The following MBD5 variants were observed in gnomAD, a reference collection of about 807,000 sequenced individuals.
The protein encoded by MBD5 is methyl-CpG-binding domain protein 5.
MBD5 carries 13 observed loss-of-function variants against 117.3 expected under a neutral mutation model. That is an observed-to-expected ratio of 0.11 (90% confidence interval 0.07 to 0.18). The LOEUF is 0.18. MBD5 is among the 10% of genes least tolerant of loss of function. MBD5 has a pLI of 1.00. For synonymous variants in MBD5, 727 were observed against 766.4 expected, an observed-to-expected ratio of 0.95 and a Z score of 0.85; for missense variants, 1,879 against 2,093.8, an observed-to-expected ratio of 0.90 and a Z score of 2.00.
intron 2 of MBD5, among the ~76,000 whole-genome samples, chr2:148,197,402 G>C (rs1345711967): frequency 6.6e-6 from 1 of 152,154 alleles, no homozygotes; most frequent in Non-Finnish European, 1.5e-5. Context: ...TTGTTATGCA[G>C]CAGTAATTAA....
chr2:148,370,171 T>C (rs1385669557), intron 4 of MBD5, among the ~76,000 whole-genome samples: 1 of 152,198 alleles, frequency 6.6e-6, no homozygotes, highest in African/African-American at 2.4e-5. Context: ...GATACTTGCT[T>C]TGTATCATAA....
At chr2:148,361,362 A>G (rs528961852) in intron 4 of MBD5, among the ~76,000 whole-genome samples, 1 of 138,270 alleles carries the variant, frequency 7.2e-6, no homozygotes, top group Non-Finnish European at 1.5e-5. Context: ...AAACACAAAC[A>G]AAACAAAAAA....
At chr2:148,161,094 C>T (rs1697997321) in intron 1 of MBD5, among the ~76,000 whole-genome samples, 1 of 152,060 alleles carries the variant, frequency 6.6e-6, no homozygotes, top group Admixed American at 6.5e-5. Flanking sequence ...GTCCTGGTAC[C>T]GATATATAGT....
At chr2:148,324,851 G>A (rs79584485) in intron 3 of MBD5, among the ~76,000 whole-genome samples, 13 of 151,988 alleles carry the variant, frequency 8.6e-5, no homozygotes, top group Non-Finnish European at 1.5e-4. Context: ...AATTGCCCTG[G>A]CCAGAACTTC....
intron 1 of MBD5, among the ~76,000 whole-genome samples, chr2:148,169,647 T>G (rs1368159241): frequency 6.6e-6 from 1 of 152,174 alleles, no homozygotes. Context: ...AAAGAGTGCT[T>G]CTTTTTTAAT....
chr2:148,124,663 A>C (rs1696847627), intron 1 of MBD5, among the ~76,000 whole-genome samples: 1 of 152,204 alleles, frequency 6.6e-6, no homozygotes. Context: ...CTGGAGTGTT[A>C]AGGTTAGATT....
chr2:148,029,109 G>C (rs1047292804), intron 1 of MBD5, among the ~76,000 whole-genome samples: 2 of 152,046 alleles, frequency 1.3e-5, no homozygotes, highest in Admixed American at 1.3e-4. Context: ...ATCACTAATA[G>C]TGATGAGAGT....
chr2:148,328,888 C>T (rs1702552355), intron 3 of MBD5, among the ~76,000 whole-genome samples: 1 of 152,166 alleles, frequency 6.6e-6, no homozygotes, highest in African/African-American at 2.4e-5. Context: ...AACAACAGGG[C>T]ATCTTTAATT....
chr2:148,154,980 T>G (rs2105700077), intron 1 of MBD5, among the ~76,000 whole-genome samples: 1 of 152,282 alleles, frequency 6.6e-6, no homozygotes, highest in African/African-American at 2.4e-5. Flanking sequence ...ATTGAGTTCT[T>G]ATGAGGTTCT....
chr2:148,278,829 G>A (rs1170277185), intron 3 of MBD5, among the ~76,000 whole-genome samples: 1 of 152,180 alleles, frequency 6.6e-6, no homozygotes. Flanking sequence ...GAAGCTGATA[G>A]TGTAATTCTC....
At chr2:148,124,614 T>A (rs1022706649) in intron 1 of MBD5, among the ~76,000 whole-genome samples, 1 of 152,106 alleles carries the variant, frequency 6.6e-6, no homozygotes, top group Non-Finnish European at 1.5e-5. Flanking sequence ...TTTTAAAAGA[T>A]AGAAAGTGAA....
intron 4 of MBD5, among the ~76,000 whole-genome samples, chr2:148,358,956 A>C (rs1703455832): frequency 6.6e-6 from 1 of 151,862 alleles, no homozygotes; most frequent in Non-Finnish European, 1.5e-5. Flanking sequence ...CCAGCCTTGG[A>C]CTTCTAGAAA....
At chr2:148,205,636 A>T (rs1699259009) in intron 2 of MBD5, among the ~76,000 whole-genome samples, 1 of 152,250 alleles carries the variant, frequency 6.6e-6, no homozygotes. Flanking sequence ...AAAGTTGCAT[A>T]AAATTATAAA....
chr2:148,224,492 G>A (rs893459832), intron 2 of MBD5, among the ~76,000 whole-genome samples: 3 of 144,816 alleles, frequency 2.1e-5, no homozygotes, highest in Non-Finnish European at 4.5e-5. Flanking sequence ...ACGGGTGCAC[G>A]TTGCCACGCC....
At chr2:148,491,001 C>T (rs1479373968) in intron 11 of MBD5, among the ~76,000 whole-genome samples, 3 of 152,194 alleles carry the variant, frequency 2.0e-5, no homozygotes, top group Admixed American at 2.0e-4. Flanking sequence ...AAGGACCCCC[C>T]AGGCAATGGT....
chr2:148,128,606 A>G (rs748012389), intron 1 of MBD5, among the ~76,000 whole-genome samples: 7 of 152,218 alleles, frequency 4.6e-5, no homozygotes, highest in African/African-American at 1.4e-4. Context: ...ATACACATAT[A>G]TGCATGTTTT....
At chr2:148,478,187 AT>A (rs1366664769) in intron 8 of MBD5, among the ~76,000 whole-genome samples, 1 of 152,242 alleles carries the variant, frequency 6.6e-6, no homozygotes, top group East Asian at 1.9e-4. Context: ...TTAAATTAAT[AT>A]TAGGAAAATA....
At chr2:148,353,177 T>TA (rs1251127070) in intron 4 of MBD5, among the ~76,000 whole-genome samples, 3 of 152,016 alleles carry the variant, frequency 2.0e-5, no homozygotes, top group Admixed American at 6.6e-5. Flanking sequence ...ACATGAGAGA[T>TA]AAAAAAACAC....
At chr2:148,056,084 T>C (rs1320392945) in intron 1 of MBD5, 1 of 152,218 alleles carries the variant, frequency 6.6e-6, no homozygotes, top group Non-Finnish European at 1.5e-5. Context: ...TCTCAAAGTT[T>C]TGAAATCTTC....
Sources: gnomAD v4.1 joint callset for allele counts (sites outside exome capture counted in the v4.1 genomes callset) on GRCh38, gnomAD v4.1.1 for gene constraint, MANE v1.5 for transcripts, NCBI Gene and HGNC (gene_info 2026-07-23, HGNC 2026-07-21) for gene names.